The following MTSS2 variants were observed in gnomAD, a reference collection of about 807,000 sequenced individuals.
MTSS2 encodes protein MTSS 2.
MTSS2 carries 27 observed loss-of-function variants against 67.1 expected under a neutral mutation model. That is an observed-to-expected ratio of 0.40 (90% CI 0.30 to 0.55). The LOEUF (loss-of-function observed/expected upper bound fraction) is 0.55, where lower values mean the gene tolerates loss of function less well. MTSS2 is among the 20% of genes least tolerant of loss of function. The pLI is 0.43. For synonymous variants in MTSS2, 624 were observed against 468.6 expected (o/e 1.33, Z -4.28); for missense variants, 1,171 against 1,067.8 (o/e 1.10, Z -1.35).
chr16:70,678,426 G>A lies in MTSS2; in HGVS notation c.467-17C>T, dbSNP rs770064925. 50 of 1,600,036 alleles carry A rather than the reference G, an allele frequency of 3.1e-5. No homozygotes were observed. Among genetic ancestry groups the A allele is most frequent in the Non-Finnish European group, 4.1e-5 (48 of 1,173,038 alleles). On this transcript the variant is annotated splice_polypyrimidine_tract_variant and intron_variant, in intron 7 of 14. Coordinates refer to ENST00000338779, the MANE Select transcript of MTSS2 (RefSeq NM_138383.3). ...CTCCTTTCCCTGGAGGGGTGGGGAGGAGAGGCCTTGCTGGGGATGCCAGCC... is the reference window on the plus strand; with the variant it reads ...CTCCTTTCCCTGGAGGGGTGGGGAGAAGAGGCCTTGCTGGGGATGCCAGCC...
chr16:70,662,386 G>GCCTTGCCCCTCC lies in MTSS2; in HGVS notation c.*1279_*1290dup, dbSNP rs1348746219. On this transcript the variant is annotated 3_prime_UTR_variant, in exon 15 of 15. Coordinates refer to ENST00000338779, the MANE Select transcript of MTSS2 (RefSeq NM_138383.3). ...TGACTTGGTGCGTGGGGTGGGGGCA[G>GCCTTGCCCCTCC]CCTTGCCCCTCCCCTTGCCCCCGCT... 6.6e-6 allele frequency: 1 copy of GCCTTGCCCCTCC among 152,276 alleles called. No individual in the cohort carries two copies. Among genetic ancestry groups the GCCTTGCCCCTCC allele is most frequent in the Admixed American group, 6.5e-5 (1 of 15,286 alleles). 9.4% of individuals were successfully genotyped at this position (152,276 alleles called of 1,614,324 possible).
intron 11 of MTSS2, among the ~76,000 whole-genome samples, chr16:70,666,711 T>C (rs931334672): frequency 6.6e-6 from 1 of 152,186 alleles, no homozygotes; most frequent in South Asian, 2.1e-4. Flanking sequence ...TTTGGCAATA[T>C]GACGGTTAAA....
At chr16:70,668,805 C>T (rs1374002230) in intron 11 of MTSS2, among the ~76,000 whole-genome samples, 1 of 152,218 alleles carries the variant, frequency 6.6e-6, no homozygotes. Flanking sequence ...TGGGTCCTCA[C>T]CAGACACCGA....
rs751226217 is a variant in MTSS2, at chr16:70,664,042, C to T, written c.1879G>A (p.Ala627Thr). The change falls in exon 15 of 15, where the codon GCA becomes ACA. Residue 627 changes from alanine to threonine, a missense_variant. Physicochemically the swap from Ala to Thr is moderately conservative, Grantham distance 58. Transcript: ENST00000338779. ...FYTDETASPL[A>T]PDLAKASPKR... ...GGGGAGGCCTTGGCGAGGTCCGGTG[C>T]CAGGGGTGAGGCGGTCTCGTCGGTA... 17 of 1,609,586 alleles carry T rather than the reference C, an allele frequency of 1.1e-5. No homozygotes were observed. The South Asian group carries it at 1.1e-4, about 10-fold the overall frequency.
At chr16:70,682,628 A>C (rs931912242) in intron 1 of MTSS2, among the ~76,000 whole-genome samples, 1 of 151,946 alleles carries the variant, frequency 6.6e-6, no homozygotes, top group Non-Finnish European at 1.5e-5. Context: ...TAGATGCCTC[A>C]GTCTCTAAGG....
At chr16:70,671,064 G>C (rs2052918801) in intron 11 of MTSS2, among the ~76,000 whole-genome samples, 1 of 151,442 alleles carries the variant, frequency 6.6e-6, no homozygotes, top group East Asian at 1.9e-4. Context: ...GCTGGCTTCA[G>C]GAGTGGTGGT....
At position 70,665,763 on chromosome 16, in the gene MTSS2, C is replaced by T. The variant is rs2052692569; in HGVS notation, c.1054-223G>A. 6.4e-6 allele frequency: 3 copies of T among 470,838 alleles called. No individual in the cohort carries two copies. The Admixed American group carries it at 1.1e-4, about 17-fold the overall frequency. The allele number at this position is 470,838 out of a possible 1,614,324, so 29.2% of individuals were successfully genotyped here. On this transcript the variant is annotated intron_variant, in intron 11 of 14. Transcript: ENST00000338779. The stretch of plus-strand genomic sequence containing the variant: ...ACACGGTGAACGCTGACCCACCTGA[C>T]AGCCCAGCCCTGCGCATTTTGAAGA...
intron 4 of MTSS2, 37 bp downstream of exon 4, chr16:70,679,933 TC>T: frequency 4.3e-6 from 5 of 1,149,432 alleles, no homozygotes; most frequent in Middle Eastern, 2.8e-4. Flanking sequence ...CGACGCCCCG[TC>T]CCCCCGCCCC....
At chr16:70,669,894 A>G (rs561132429) in intron 11 of MTSS2, among the ~76,000 whole-genome samples, 3 of 152,196 alleles carry the variant, frequency 2.0e-5, no homozygotes, top group East Asian at 1.9e-4. Context: ...GGGAACTACT[A>G]TTACTCTGCA....
intron 11 of MTSS2, among the ~76,000 whole-genome samples, chr16:70,671,139 G>A (rs1006332897): frequency 6.6e-6 from 1 of 152,082 alleles, no homozygotes; most frequent in African/African-American, 2.4e-5. Flanking sequence ...TCCTTGGGCA[G>A]GTGTGGCAGG....
Position 70,682,070 on chromosome 16 carries a change from G to A in MTSS2, c.70-1045C>T, listed in dbSNP as rs538832816. Among the ~76,000 whole-genome samples, 284 of 152,328 alleles carry A rather than the reference G, an allele frequency of 1.9e-3. 1 individual carries two copies. The highest frequency in any genetic ancestry group is 6.6e-3 in the African/African-American group (273 of 41,580). On this transcript the variant is annotated intron_variant, in intron 1 of 14. Transcript: ENST00000338779. The stretch of plus-strand genomic sequence containing the variant: ...GAGGCTCTGCCTGGCTGCAACCCAG[G>A]AGCAGGCTAGGGCTTGCCCTGCCAG...
intron 11 of MTSS2, among the ~76,000 whole-genome samples, chr16:70,668,222 G>A (rs1035831708): frequency 6.6e-6 from 1 of 151,894 alleles, no homozygotes; most frequent in African/African-American, 2.4e-5. Context: ...AGACCAGCCT[G>A]GCCAACATGA....
At chr16:70,669,115 A>T (rs1032213200) in intron 11 of MTSS2, among the ~76,000 whole-genome samples, 3 of 152,162 alleles carry the variant, frequency 2.0e-5, no homozygotes, top group African/African-American at 4.8e-5. Context: ...AGTAGGCAAA[A>T]ATCTCTCAAG....
chr16:70,662,197 A>AATC lies in MTSS2; in HGVS notation c.*1477_*1479dup, dbSNP rs2151897497. On this transcript the variant is annotated 3_prime_UTR_variant, in exon 15 of 15. Transcript: ENST00000338779. Reference sequence around the variant, plus strand: ...CAGACCCAGCTCCATTCTATCAATCAATCAATCAATCATCAAGACCAAGGT... The same window carrying AATC: ...CAGACCCAGCTCCATTCTATCAATCAATCATCAATCAATCATCAAGACCAAGGT... 1 of 150,636 alleles carries AATC rather than the reference A, an allele frequency of 6.6e-6. No individual in the cohort carries two copies. The highest frequency in any genetic ancestry group is 2.1e-4 in the South Asian group (1 of 4,786). 9.3% of individuals were successfully genotyped at this position (150,636 alleles called of 1,614,324 possible). A position where few individuals can be genotyped will look rare whatever the true frequency, so the allele number is the denominator to read the frequency against.
chr16:70,680,574 C>T (rs894568231), intron 3 of MTSS2, among the ~76,000 whole-genome samples: 5 of 152,102 alleles, frequency 3.3e-5, no homozygotes, highest in African/African-American at 1.2e-4. Context: ...AAAAGGGAAT[C>T]CCCGGGGAAC....
chr16:70,666,418 G>A (rs76153529), intron 11 of MTSS2, among the ~76,000 whole-genome samples: 3,760 of 152,300 alleles, frequency 0.025, 163 homozygotes, highest in African/African-American at 0.082. Flanking sequence ...AAAGAAAAAA[G>A]CAGGGTAGAC....
chr16:70,664,796 C>T (rs766768880), intron 13 of MTSS2, 33 bp from the exon 14 acceptor site: 121 of 1,572,302 alleles, frequency 7.7e-5, no homozygotes, highest in African/African-American at 9.4e-5. Context: ...TGAAGCCTTG[C>T]GCCCCCAATC....
rs1332107100 is a variant in MTSS2, at chr16:70,664,326, T to C, written c.1595A>G (p.Gln532Arg). Residue 532 changes from glutamine (Q) to arginine (R), a missense_variant, in exon 15 of 15, where the codon CAG becomes CGG. Physicochemically the swap from Gln to Arg is conservative, Grantham distance 43 (BLOSUM62 1). Transcript: ENST00000338779. ...NIAQNYRRLIQTKRPASTAGL... is the reference protein window; with the variant it reads ...NIAQNYRRLIRTKRPASTAGL... ...AGCAGTGGAGGCTGGGCGCTTGGTC[T>C]GGATCAGGCGGCGGTAGTTCTGGGC... 10 of 1,596,456 alleles carry C rather than the reference T, an allele frequency of 6.3e-6. No homozygotes were observed. The highest frequency in any genetic ancestry group is 8.5e-6 in the Non-Finnish European group (10 of 1,173,826).
At chr16:70,685,612 A>G (rs1266314747) in intron 1 of MTSS2, 111 bp downstream of exon 1, 8 of 575,266 alleles carry the variant, frequency 1.4e-5, no homozygotes, top group Non-Finnish European at 1.8e-5. Context: ...AGACAAGGAC[A>G]CACAGACACC....
Sources: allele counts gnomAD v4.1 joint callset (sites outside exome capture counted in the v4.1 genomes callset), GRCh38; gene constraint gnomAD v4.1.1; transcripts MANE v1.5; gene names NCBI Gene and HGNC (gene_info 2026-07-23, HGNC 2026-07-21).